NWD2: variants seen among roughly 807,000 people sequenced by gnomAD.
NWD2 encodes NACHT and WD repeat domain-containing protein 2.
Under a neutral mutation model 132.7 loss-of-function variants are expected in NWD2, and 37 were observed. The observed-to-expected ratio is 0.28, with a 90% CI of 0.21 to 0.37. The LOEUF is 0.37. NWD2 is among the 10% of genes least tolerant of loss of function. The probability of loss-of-function intolerance (pLI) is 1.00; values close to 1 mark genes in which losing one functional copy is unlikely to be tolerated. For synonymous variants in NWD2, 705 were observed against 803.0 expected (o/e 0.88, Z 2.06); for missense variants, 1,592 against 2,122.4 (o/e 0.75, Z 4.91).
chr4:37,254,791 A>G (rs1717478746), intron 1 of NWD2, among the ~76,000 whole-genome samples: 1 of 152,236 alleles, frequency 6.6e-6, no homozygotes, highest in Non-Finnish European at 1.5e-5. Flanking sequence ...CCCCCCTTCT[A>G]ATGAAATACT....
At chr4:37,324,601 T>C (rs1203204398) in intron 1 of NWD2, among the ~76,000 whole-genome samples, 1 of 152,206 alleles carries the variant, frequency 6.6e-6, no homozygotes, top group African/African-American at 2.4e-5. Context: ...TGGGCCCCGC[T>C]TTCATGTACA....
At chr4:37,357,863 C>G (rs957262221) in intron 3 of NWD2, among the ~76,000 whole-genome samples, 1 of 151,808 alleles carries the variant, frequency 6.6e-6, no homozygotes, top group Non-Finnish European at 1.5e-5. Flanking sequence ...TAAGGTGACT[C>G]TGAAGGGGAG....
At chr4:37,412,987 C>T (rs1327047690) in intron 3 of NWD2, among the ~76,000 whole-genome samples, 1 of 151,986 alleles carries the variant, frequency 6.6e-6, no homozygotes, top group Non-Finnish European at 1.5e-5. Flanking sequence ...GGATCAAAGA[C>T]TTAAACGTAA....
intron 3 of NWD2, among the ~76,000 whole-genome samples, chr4:37,380,346 G>C (rs1021300459): frequency 3.9e-5 from 6 of 152,194 alleles, no homozygotes; most frequent in Non-Finnish European, 5.9e-5. Context: ...TTATTTTGGG[G>C]GAGACTGTTT....
intron 3 of NWD2, among the ~76,000 whole-genome samples, chr4:37,420,023 T>TTTCTTCC (rs1233928688): frequency 6.6e-6 from 1 of 152,236 alleles, no homozygotes; most frequent in Non-Finnish European, 1.5e-5. Flanking sequence ...AAACCATAGG[T>TTTCTTCC]ATGCTCATTA....
intron 3 of NWD2, among the ~76,000 whole-genome samples, chr4:37,361,645 G>A (rs765305354): frequency 1.3e-5 from 2 of 151,966 alleles, no homozygotes; most frequent in Non-Finnish European, 2.9e-5. Context: ...ATAACCCTCA[G>A]TAAACAAGGC....
intron 2 of NWD2, among the ~76,000 whole-genome samples, chr4:37,340,011 T>G (rs1216957218): frequency 1.3e-5 from 2 of 151,952 alleles, no homozygotes; most frequent in East Asian, 3.9e-4. Flanking sequence ...TCATATTTTA[T>G]TATAGGAGAG....
At chr4:37,355,147 G>A (rs543553674) in intron 2 of NWD2, among the ~76,000 whole-genome samples, 2 of 152,142 alleles carry the variant, frequency 1.3e-5, no homozygotes, top group African/African-American at 2.4e-5. Flanking sequence ...TTACTTTTAA[G>A]TAGCCCCAGC....
At chr4:37,397,237 T>G (rs896386681) in intron 3 of NWD2, among the ~76,000 whole-genome samples, 11 of 152,176 alleles carry the variant, frequency 7.2e-5, no homozygotes, top group Admixed American at 7.2e-4. Flanking sequence ...CTTCAGGTTT[T>G]AATGAAAATC....
chr4:37,446,621 G>A lies in NWD2; in HGVS notation c.4633G>A (p.Asp1545Asn). The part of the protein sequence containing the change: ...NGKLGIIARG[D>N]ENINVLDLYS... ...AAAGCTAGGCATTATAGCCAGGGGAGATGAAAACATCAATGTGCTAGATTT... is the reference window on the plus strand; with the variant it reads ...AAAGCTAGGCATTATAGCCAGGGGAAATGAAAACATCAATGTGCTAGATTT... The change falls in exon 7 of 7, where the codon GAT becomes AAT. Residue 1545 changes from aspartate to asparagine, a missense_variant. Asp to Asn is a conservative substitution (Grantham distance 23, BLOSUM62 1). Around this residue, in one of 7 missense-constraint regions of NWD2, gnomAD observed 257 missense variants for 335.0 expected, o/e 0.77. Transcript: ENST00000309447. The surrounding 1 kb of genome is among the most constrained non-coding windows in gnomAD (Gnocchi z 6.7). 1 of 1,551,632 alleles carries A rather than the reference G, an allele frequency of 6.4e-7. No individual in the cohort carries two copies. Among genetic ancestry groups the A allele is most frequent in the Non-Finnish European group, 8.7e-7 (1 of 1,147,004 alleles).
At chr4:37,374,601 C>G (rs754818838) in intron 3 of NWD2, among the ~76,000 whole-genome samples, 1 of 152,104 alleles carries the variant, frequency 6.6e-6, no homozygotes, top group Non-Finnish European at 1.5e-5. Context: ...CAGGTATTTT[C>G]AGGGAAGACA....
chr4:37,353,795 C>T (rs1308370259), intron 2 of NWD2, among the ~76,000 whole-genome samples: 3 of 151,996 alleles, frequency 2.0e-5, no homozygotes, highest in African/African-American at 7.2e-5. Context: ...GGAACATGCT[C>T]CTTTAGCTTG....
chr4:37,429,769 A>C (rs1234698327), intron 3 of NWD2, among the ~76,000 whole-genome samples: 2 of 152,270 alleles, frequency 1.3e-5, no homozygotes, highest in Admixed American at 1.3e-4. Flanking sequence ...CAAAGAAACT[A>C]ATTCAGCATA....
chr4:37,331,614 A>C (rs558673492), intron 2 of NWD2, among the ~76,000 whole-genome samples: 1 of 152,350 alleles, frequency 6.6e-6, no homozygotes, highest in South Asian at 2.1e-4. Flanking sequence ...TATTGTGTCA[A>C]TGAGGGGACA....
chr4:37,444,532 T>G lies in NWD2; in HGVS notation c.2544T>G (p.Asp848Glu). The change falls in exon 7 of 7, where the codon GAT becomes GAG. Residue 848 changes from aspartate to glutamate, a missense_variant. By Grantham distance (45) the Asp-to-Glu change is conservative (BLOSUM62 2). Transcript: ENST00000309447. This position sits in a 1 kb window ranked among gnomAD's most constrained non-coding sequence, Gnocchi z 4.8. ...LYHLTRCGKT[D>E]DLLYGIIMNF... Reference sequence around the variant, plus strand: ...ACTTGACGAGGTGTGGAAAAACCGATGACCTGCTTTACGGCATCATCATGA... The same window carrying G: ...ACTTGACGAGGTGTGGAAAAACCGAGGACCTGCTTTACGGCATCATCATGA... 6.4e-7 allele frequency: 1 copy of G among 1,551,806 alleles called. No homozygotes were observed. The highest frequency in any genetic ancestry group is 1.2e-5 in the South Asian group (1 of 84,050).
At chr4:37,250,644 A>G (rs1192182039) in intron 1 of NWD2, among the ~76,000 whole-genome samples, 1 of 152,220 alleles carries the variant, frequency 6.6e-6, no homozygotes, top group African/African-American at 2.4e-5. Context: ...TGATCCAGAC[A>G]CTGTGCAGGC....
chr4:37,328,804 C>A (rs935961121), intron 2 of NWD2, among the ~76,000 whole-genome samples: 3 of 152,138 alleles, frequency 2.0e-5, no homozygotes, highest in Non-Finnish European at 2.9e-5. Flanking sequence ...GTAACCACCT[C>A]TCTTTTGCAT....
intron 3 of NWD2, among the ~76,000 whole-genome samples, chr4:37,377,301 ATTTT>A (rs1285207258): frequency 6.6e-6 from 1 of 152,106 alleles, no homozygotes; most frequent in Non-Finnish European, 1.5e-5. Context: ...AGAGAAGATA[ATTTT>A]TTTTGAAAAT....
At chr4:37,306,922 G>T (rs1010134251) in intron 1 of NWD2, among the ~76,000 whole-genome samples, 1 of 152,012 alleles carries the variant, frequency 6.6e-6, no homozygotes, top group African/African-American at 2.4e-5. Context: ...TACTCGGAAG[G>T]CTGAGGCAGG....
Sources: gnomAD v4.1 joint callset for allele counts (sites outside exome capture counted in the v4.1 genomes callset) on GRCh38, gnomAD v4.1.1 for gene constraint, gnomAD v4.1.1 regional missense constraint, Gnocchi (gnomAD v3.1) non-coding constraint, MANE v1.5 for transcripts, NCBI Gene and HGNC (gene_info 2026-07-23, HGNC 2026-07-21) for gene names.